TBCA: variants seen among roughly 807,000 people sequenced by gnomAD.
The protein encoded by TBCA is tubulin folding cofactor A.
Under a neutral mutation model 15.8 loss-of-function variants are expected in TBCA, and 6 were observed. The ratio of observed to expected loss-of-function variants is 0.38; its 90% CI spans 0.21 to 0.75. The LOEUF is 0.75. Ranked by LOEUF, TBCA falls within the 30% of genes least tolerant of loss-of-function variation. The pLI, the probability that TBCA is intolerant of heterozygous loss-of-function variation, is 0.46. For missense variants in TBCA, 90 were observed against 131.2 expected (o/e 0.69, Z 1.53); for synonymous variants, 32 against 42.3 (o/e 0.76, Z 0.94).
chr5:77,726,698 A>G (rs1746637321), intron 1 of TBCA, among the ~76,000 whole-genome samples: 1 of 152,180 alleles, frequency 6.6e-6, no homozygotes, highest in Non-Finnish European at 1.5e-5. Context: ...AGAGTAAAAT[A>G]TTCACTCATT....
chr5:77,757,183 G>GAAC (rs369268488), intron 1 of TBCA, among the ~76,000 whole-genome samples: 3 of 151,974 alleles, frequency 2.0e-5, no homozygotes, highest in South Asian at 2.1e-4. Context: ...ACAAAGACCA[G>GAAC]AACAACAACA....
At chr5:77,716,271 C>G (rs2112449680) in intron 1 of TBCA, among the ~76,000 whole-genome samples, 1 of 152,238 alleles carries the variant, frequency 6.6e-6, no homozygotes, top group East Asian at 1.9e-4. Context: ...ATTGATAACA[C>G]TGATGAAAGA....
chr5:77,712,995 T>C (rs1746317893), intron 1 of TBCA, among the ~76,000 whole-genome samples: 1 of 152,110 alleles, frequency 6.6e-6, no homozygotes, highest in Non-Finnish European at 1.5e-5. Context: ...TATTTAGATA[T>C]ATAAAAAAAT....
intron 1 of TBCA, among the ~76,000 whole-genome samples, chr5:77,755,992 C>T (rs138655034): frequency 5.3e-5 from 8 of 152,136 alleles, no homozygotes; most frequent in African/African-American, 1.7e-4. Context: ...TCAACAAGAG[C>T]GAAACTTTAT....
chr5:77,701,223 C>T (rs1746004652), intron 2 of TBCA, among the ~76,000 whole-genome samples: 1 of 151,866 alleles, frequency 6.6e-6, no homozygotes, highest in South Asian at 2.1e-4. Flanking sequence ...AAGAAAAAAA[C>T]AAACAATCCC....
At chr5:77,760,980 C>T (rs1271256969) in intron 1 of TBCA, among the ~76,000 whole-genome samples, 2 of 150,448 alleles carry the variant, frequency 1.3e-5, no homozygotes, top group African/African-American at 2.4e-5. Context: ...AAGTGAGGAG[C>T]GCCTCTGCCC....
At chr5:77,703,773 T>C (rs1746078572) in intron 2 of TBCA, among the ~76,000 whole-genome samples, 1 of 152,102 alleles carries the variant, frequency 6.6e-6, no homozygotes, top group Non-Finnish European at 1.5e-5. Context: ...AATTTTTTTA[T>C]TTTTTGTAGA....
At chr5:77,719,389 A>T (rs576706531) in intron 1 of TBCA, among the ~76,000 whole-genome samples, 1 of 152,204 alleles carries the variant, frequency 6.6e-6, no homozygotes, top group African/African-American at 2.4e-5. Flanking sequence ...AAAAGAATAT[A>T]CTGTGAAAAG....
chr5:77,728,156 A>G (rs1277288509), intron 1 of TBCA, among the ~76,000 whole-genome samples: 2 of 152,154 alleles, frequency 1.3e-5, no homozygotes, highest in African/African-American at 4.8e-5. Flanking sequence ...TTTTTATTAG[A>G]ATAATACATT....
chr5:77,706,510 G>A (rs563921292), intron 2 of TBCA, among the ~76,000 whole-genome samples: 1 of 152,142 alleles, frequency 6.6e-6, no homozygotes, highest in East Asian at 1.9e-4. Context: ...GAAAAATAGA[G>A]AGAGTAAGAA....
At chr5:77,724,311 C>A (rs1746585280) in intron 1 of TBCA, among the ~76,000 whole-genome samples, 1 of 152,022 alleles carries the variant, frequency 6.6e-6, no homozygotes, top group Non-Finnish European at 1.5e-5. Context: ...TAACTGACAT[C>A]AAGGACTTTA....
intron 2 of TBCA, among the ~76,000 whole-genome samples, chr5:77,695,364 G>A (rs1745849022): frequency 6.6e-6 from 1 of 152,038 alleles, no homozygotes; most frequent in Admixed American, 6.5e-5. Context: ...AGGATGCCAG[G>A]TACTGAGGAT....
At chr5:77,775,847 G>A (rs2112526853) in intron 1 of TBCA, among the ~76,000 whole-genome samples, 1 of 152,358 alleles carries the variant, frequency 6.6e-6, no homozygotes, top group African/African-American at 2.4e-5. Context: ...AGTTCAGCAA[G>A]GAGAGGCCGG....
At chr5:77,720,673 C>T (rs2455160) in intron 1 of TBCA, among the ~76,000 whole-genome samples, 23 of 151,872 alleles carry the variant, frequency 1.5e-4, no homozygotes, top group South Asian at 1.0e-3. Context: ...GAGATCACAT[C>T]GCTGCACTCC....
chr5:77,707,479 A>G (rs1746176584), intron 2 of TBCA, among the ~76,000 whole-genome samples: 1 of 152,128 alleles, frequency 6.6e-6, no homozygotes. Flanking sequence ...CATCCCAGAC[A>G]TGCAAAATTT....
intron 1 of TBCA, among the ~76,000 whole-genome samples, chr5:77,745,196 A>T (rs1747158744): frequency 6.6e-6 from 1 of 152,232 alleles, no homozygotes; most frequent in African/African-American, 2.4e-5. Flanking sequence ...GGCACAAGGC[A>T]GAGAAGGGAG....
chr5:77,741,659 T>C (rs1159210071), intron 1 of TBCA, among the ~76,000 whole-genome samples: 2 of 152,276 alleles, frequency 1.3e-5, no homozygotes, highest in African/African-American at 2.4e-5. Context: ...AGTATTCTAG[T>C]CAGAGGAAAC....
At chr5:77,758,021 A>T (rs1360509904) in intron 1 of TBCA, among the ~76,000 whole-genome samples, 1 of 152,206 alleles carries the variant, frequency 6.6e-6, no homozygotes, top group African/African-American at 2.4e-5. Flanking sequence ...GGCAAGTTTC[A>T]GATCAGGAGC....
chr5:77,699,945 G>A (rs1745968846), intron 2 of TBCA, among the ~76,000 whole-genome samples: 1 of 150,766 alleles, frequency 6.6e-6, no homozygotes, highest in Non-Finnish European at 1.5e-5. Context: ...GGCTGAGGCA[G>A]GAGAATTGCT....
Sources: gnomAD v4.1 joint callset for allele counts (sites outside exome capture counted in the v4.1 genomes callset) on GRCh38, gnomAD v4.1.1 for gene constraint, MANE v1.5 for transcripts, NCBI Gene and HGNC (gene_info 2026-07-23, HGNC 2026-07-21) for gene names.